Variants in CGNL1 observed in about 807,000 individuals in gnomAD.
CGNL1 encodes cingulin like 1, also known as cingulin-like protein 1.
Under a neutral mutation model 141.2 loss-of-function variants are expected in CGNL1, and 132 were observed. The observed-to-expected ratio is 0.93, with a 90% CI of 0.81 to 1.08. The LOEUF is 1.08. CGNL1 is among the 50% of genes least tolerant of loss of function. The pLI is 0.00. For synonymous variants in CGNL1, 690 were observed against 622.1 expected, an observed-to-expected ratio of 1.11 and a Z score of -1.63; for missense variants, 1,870 against 1,588.6, an observed-to-expected ratio of 1.18 and a Z score of -3.01.
In CGNL1 at chr15:57,438,554, T is replaced by G; in HGVS notation, c.555T>G (p.Asn185Lys). The stretch of plus-strand genomic sequence containing the variant: ...CGTTGACAGAAGAAGGCATCAACAA[T>G]AAGAAGCCTTGGACTTGCTTTCCCA... ...LKTLTEEGIN[N>K]KKPWTCFPKP... The change falls in exon 2 of 19, where the codon AAT (asparagine) becomes AAG (lysine). Residue 185 changes from asparagine to lysine, a missense_variant. Transcript: ENST00000281282. 6.2e-7 allele frequency: 1 copy of G among 1,613,804 alleles called. No homozygotes were observed. The highest frequency in any genetic ancestry group is 8.5e-7 in the Non-Finnish European group (1 of 1,180,012).
intron 1 of CGNL1, among the ~76,000 whole-genome samples, chr15:57,397,775 T>G (rs1361913011): frequency 6.9e-6 from 1 of 145,494 alleles, no homozygotes; most frequent in Non-Finnish European, 1.5e-5. Context: ...CTTGTACCAC[T>G]TAAATTTCCT....
intron 8 of CGNL1, among the ~76,000 whole-genome samples, chr15:57,503,086 T>A (rs539490410): frequency 6.6e-6 from 1 of 152,346 alleles, no homozygotes; most frequent in East Asian, 1.9e-4. Context: ...TTGTGGCACA[T>A]GGCAGATTTT....
In CGNL1 at chr15:57,376,785, G is replaced by A. The variant is rs113089810; in HGVS notation, c.-16+218G>A. ...CCGCGCCGCGCCCCGCCGAGGGCAG[G>A]CGCAGAACAGATGCGGGCGATCCCT... On this transcript the variant is annotated intron_variant, in intron 1 of 18. Transcript: ENST00000281282. 3.9e-5 allele frequency: 6 copies of A among 152,198 alleles called. 1 individual carries two copies. The highest frequency in any genetic ancestry group is 1.4e-4 in the African/African-American group (6 of 41,520). 9.4% of individuals were successfully genotyped at this position (152,198 alleles called of 1,614,324 possible). A position where few individuals can be genotyped will look rare whatever the true frequency, so the allele number is the denominator to read the frequency against.
At chr15:57,436,818 C>T (rs1353203222) in intron 1 of CGNL1, among the ~76,000 whole-genome samples, 2 of 152,012 alleles carry the variant, frequency 1.3e-5, no homozygotes, top group African/African-American at 4.8e-5. Context: ...ATATATTCTA[C>T]CAGTGTAATC....
intron 1 of CGNL1, among the ~76,000 whole-genome samples, chr15:57,404,700 A>G (rs548962613): frequency 1.3e-5 from 2 of 152,160 alleles, no homozygotes; most frequent in African/African-American, 4.8e-5. Context: ...GAGAACCCCA[A>G]ATTTCTTCCC....
chr15:57,406,563 A>C (rs1438609060), intron 1 of CGNL1, among the ~76,000 whole-genome samples: 5 of 152,192 alleles, frequency 3.3e-5, no homozygotes, highest in Non-Finnish European at 7.4e-5. Context: ...AATCATGCGA[A>C]GTGGCAGTGG....
At position 57,401,120 on chromosome 15, in the gene CGNL1, A is replaced by G. The variant is rs1226803639; in HGVS notation, c.-16+24553A>G. 3.9e-5 allele frequency among the ~76,000 whole-genome samples: 6 copies of G among 152,044 alleles called. No individual in the cohort carries two copies. The East Asian group carries it at 1.2e-3, about 29-fold the overall frequency. ...TGTATTTTTAAAAATATATTTGTAT[A>G]CTTTCTATGGCTGTGTATATAAATT... On this transcript the variant is annotated intron_variant, in intron 1 of 18. Coordinates refer to ENST00000281282, the MANE Select transcript of CGNL1 (RefSeq NM_032866.5).
chr15:57,479,677 C>G (rs921327942), intron 8 of CGNL1, among the ~76,000 whole-genome samples: 1 of 151,956 alleles, frequency 6.6e-6, no homozygotes, highest in South Asian at 2.1e-4. Context: ...AAACAAAAAA[C>G]AAAACAAAAT....
intron 14 of CGNL1, among the ~76,000 whole-genome samples, chr15:57,538,705 C>T (rs151023179): frequency 1.3e-5 from 2 of 152,262 alleles, no homozygotes; most frequent in East Asian, 3.9e-4. Context: ...CCAGGCTGGG[C>T]CCAGGGCTGC....
At chr15:57,425,717 G>C (rs1458300847) in intron 1 of CGNL1, among the ~76,000 whole-genome samples, 2 of 146,634 alleles carry the variant, frequency 1.4e-5, no homozygotes, top group African/African-American at 5.1e-5. Context: ...CTCTAGCCTG[G>C]GTGACAGAGC....
At chr15:57,543,623 T>C (rs1300156557) in intron 14 of CGNL1, 73 bp from the exon 15 acceptor site, 170 of 1,357,012 alleles carry the variant, frequency 1.3e-4, no homozygotes, top group Non-Finnish European at 1.7e-4. Flanking sequence ...ATTCAGTTCC[T>C]TGCCACCATT....
chr15:57,478,682 A>G (rs2063687490), intron 8 of CGNL1, among the ~76,000 whole-genome samples: 1 of 152,226 alleles, frequency 6.6e-6, no homozygotes, highest in Non-Finnish European at 1.5e-5. Context: ...ACTGTCACCC[A>G]GGCTGTAGTG....
At chr15:57,518,630 G>T (rs2031020301) in intron 10 of CGNL1, 133 bp downstream of exon 10, 1 of 655,480 alleles carries the variant, frequency 1.5e-6, no homozygotes, top group East Asian at 2.7e-5. Context: ...TAACCACTCA[G>T]TTATTTGAAC....
At chr15:57,382,821 T>C (rs2062438487) in intron 1 of CGNL1, among the ~76,000 whole-genome samples, 1 of 152,152 alleles carries the variant, frequency 6.6e-6, no homozygotes, top group African/African-American at 2.4e-5. Context: ...GACCCCTTCC[T>C]CTCTAAGGCT....
intron 1 of CGNL1, among the ~76,000 whole-genome samples, chr15:57,394,475 A>G (rs2062581009): frequency 6.6e-6 from 1 of 152,160 alleles, no homozygotes; most frequent in Non-Finnish European, 1.5e-5. Flanking sequence ...CAAGGAACTG[A>G]GATACAGAGA....
At chr15:57,473,296 G>A (rs1311061955) in intron 8 of CGNL1, among the ~76,000 whole-genome samples, 6 of 152,142 alleles carry the variant, frequency 3.9e-5, no homozygotes, top group African/African-American at 1.4e-4. Context: ...CTAAAGACTT[G>A]CCAAGATCAT....
intron 14 of CGNL1, among the ~76,000 whole-genome samples, chr15:57,542,659 T>C (rs917691135): frequency 3.9e-5 from 6 of 152,262 alleles, no homozygotes; most frequent in African/African-American, 9.6e-5. Context: ...GTCTGAGATA[T>C]GCTCATGGCT....
At chr15:57,441,306 C>T (rs1182882725) in intron 3 of CGNL1, among the ~76,000 whole-genome samples, 1 of 152,012 alleles carries the variant, frequency 6.6e-6, no homozygotes, top group African/African-American at 2.4e-5. Context: ...TTAGTATCTC[C>T]CTGTGGAAGA....
At chr15:57,514,464 T>G (rs561308980) in intron 8 of CGNL1, among the ~76,000 whole-genome samples, 115 of 152,286 alleles carry the variant, frequency 7.6e-4, no homozygotes, top group African/African-American at 2.7e-3. Flanking sequence ...TTTTTAAGTC[T>G]TTTTGTTACT....
Sources: allele counts gnomAD v4.1 joint callset (sites outside exome capture counted in the v4.1 genomes callset), GRCh38; gene constraint gnomAD v4.1.1; transcripts MANE v1.5; gene names NCBI Gene and HGNC (gene_info 2026-07-23, HGNC 2026-07-21).